The following LRRC8A variants were observed in gnomAD, a reference collection of about 807,000 sequenced individuals.
The protein encoded by LRRC8A is volume-regulated anion channel subunit LRRC8A.
LRRC8A carries 24 observed loss-of-function variants against 52.5 expected under a neutral mutation model. The observed-to-expected ratio is 0.46, with a 90% CI of 0.33 to 0.64. The LOEUF (loss-of-function observed/expected upper bound fraction) is 0.64, where lower values mean the gene tolerates loss of function less well. Ranked by LOEUF, LRRC8A falls within the 30% of genes least tolerant of loss-of-function variation. The pLI is 0.02. For missense variants in LRRC8A, 677 were observed against 1,094.7 expected (o/e 0.62, Z 5.38); for synonymous variants, 492 against 494.2 (o/e 1.00, Z 0.06).
At chr9:128,914,380 C>G (rs922320191) in intron 3 of LRRC8A, among the ~76,000 whole-genome samples, 4 of 118,260 alleles carry the variant, frequency 3.4e-5, no homozygotes, top group African/African-American at 1.0e-4. Flanking sequence ...TCCTCAGCCA[C>G]AGAGTGTCCA....
chr9:128,916,357 A>C lies in LRRC8A; in HGVS notation c.2419A>C (p.Lys807Gln). The change falls in exon 4 of 4, where the codon AAG (lysine) becomes CAG (glutamine). Residue 807 changes from lysine (K) to glutamine (Q), a missense_variant. Transcript: ENST00000372600. The surrounding 1 kb of genome is among the most constrained non-coding windows in gnomAD (Gnocchi z 6.1). ...EVKERLWRADKEQA is the reference protein window; with the variant it reads ...EVKERLWRADQEQA ...GAAGGAGCGGCTGTGGAGGGCTGAC[A>C]AGGAGCAGGCCTGAGCGAGGCCGGC... 1 of 1,611,250 alleles carries C rather than the reference A, an allele frequency of 6.2e-7. No homozygotes were observed. The highest frequency in any genetic ancestry group is 1.1e-5 in the South Asian group (1 of 90,968).
In LRRC8A at chr9:128,911,825, T is replaced by A. The variant is rs1459996739; in HGVS notation, c.2157+2504T>A. Among the ~76,000 whole-genome samples, 1 of 152,226 alleles carries A rather than the reference T, an allele frequency of 6.6e-6. No homozygotes were observed. The highest frequency in any genetic ancestry group is 2.4e-5 in the African/African-American group (1 of 41,468). On this transcript the variant is annotated intron_variant, in intron 3 of 3. Coordinates refer to ENST00000372600, the MANE Select transcript of LRRC8A (RefSeq NM_019594.4). The surrounding 1 kb of genome is among the most constrained non-coding windows in gnomAD (Gnocchi z 4.9). Reference sequence around the variant, plus strand: ...CCCCACCCCCTGGAACACCAGAGCCTTAATAGGGAAAACAGTTCACTTGGG... The same window carrying A: ...CCCCACCCCCTGGAACACCAGAGCCATAATAGGGAAAACAGTTCACTTGGG...
At chr9:128,888,435 T>TGAAGG (rs2130935730) in intron 2 of LRRC8A, among the ~76,000 whole-genome samples, 1 of 152,194 alleles carries the variant, frequency 6.6e-6, no homozygotes, top group South Asian at 2.1e-4. Context: ...GCCCAGCCCT[T>TGAAGG]CCTGGGGATA....
intron 2 of LRRC8A, among the ~76,000 whole-genome samples, chr9:128,903,037 C>T (rs1840088464): frequency 1.3e-5 from 2 of 152,326 alleles, no homozygotes; most frequent in African/African-American, 4.8e-5. Flanking sequence ...TGGCGAGGAC[C>T]TGAGCCCGGT....
In LRRC8A at chr9:128,908,910, C is replaced by A. The variant is rs564217920; in HGVS notation, c.1746C>A (p.Ile582=). 1.1e-5 allele frequency: 17 copies of A among 1,614,000 alleles called. No individual in the cohort carries two copies. The highest frequency in any genetic ancestry group is 1.4e-5 in the Non-Finnish European group (17 of 1,180,032). ...LSINNEGTKL[I]VLNSLKKMAN... ...TCAACAATGAGGGCACCAAGCTCAT[C>A]GTCCTCAACAGCCTCAAGAAGATGG... Residue 582 remains isoleucine (I), a synonymous_variant, in exon 3 of 4, where the codon ATC becomes ATA. Transcript: ENST00000372600.
intron 3 of LRRC8A, among the ~76,000 whole-genome samples, chr9:128,913,476 A>T (rs1350981635): frequency 6.6e-6 from 1 of 152,164 alleles, no homozygotes; most frequent in Admixed American, 6.5e-5. Context: ...ACAATCCGAC[A>T]ATCCAGCAGA....
At chr9:128,890,372 A>G (rs1839567732) in intron 2 of LRRC8A, among the ~76,000 whole-genome samples, 1 of 152,106 alleles carries the variant, frequency 6.6e-6, no homozygotes, top group African/African-American at 2.4e-5. Flanking sequence ...GCTTGCTGCA[A>G]TCTAAGCCTC....
At chr9:128,895,736 T>G (rs992241880) in intron 2 of LRRC8A, among the ~76,000 whole-genome samples, 18 of 152,170 alleles carry the variant, frequency 1.2e-4, no homozygotes, top group African/African-American at 4.3e-4. Context: ...GAGCAGCAGC[T>G]GGTAGGAGGA....
chr9:128,890,164 GT>G (rs1839553441), intron 2 of LRRC8A, among the ~76,000 whole-genome samples: 1 of 151,568 alleles, frequency 6.6e-6, no homozygotes, highest in African/African-American at 2.4e-5. Flanking sequence ...GTGTGTGTGT[GT>G]GTGTGCTGGG....
intron 2 of LRRC8A, among the ~76,000 whole-genome samples, chr9:128,904,997 C>CAA (rs770042979): frequency 3.1e-3 from 91 of 29,746 alleles, no homozygotes; most frequent in South Asian, 9.2e-3. Flanking sequence ...GACTCCGTCT[C>CAA]AAAAAAAAAA....
chr9:128,908,159 A>G lies in LRRC8A; in HGVS notation c.995A>G (p.Tyr332Cys), dbSNP rs1324812620. 1.9e-6 allele frequency: 3 copies of G among 1,613,894 alleles called. No homozygotes were observed. Among genetic ancestry groups the G allele is most frequent in the Non-Finnish European group, 2.5e-6 (3 of 1,180,032 alleles). The part of the protein sequence containing the change: ...ASFYISLVIF[Y>C]GLICMYTLWW... Reference sequence around the variant, plus strand: ...TTCTACATCAGCCTAGTCATCTTCTACGGCCTCATCTGCATGTATACACTG... The same window carrying G: ...TTCTACATCAGCCTAGTCATCTTCTGCGGCCTCATCTGCATGTATACACTG... Residue 332 changes from tyrosine (Y) to cysteine (C), a missense_variant, in exon 3 of 4, where the codon TAC becomes TGC. Coordinates refer to ENST00000372600, the MANE Select transcript of LRRC8A (RefSeq NM_019594.4).
rs1454119103 is a variant in LRRC8A at position 128,892,176 on chromosome 9, G to T, written c.-9+6055G>T. Among the ~76,000 whole-genome samples, 5 of 152,228 alleles carry T rather than the reference G, an allele frequency of 3.3e-5. No individual in the cohort carries two copies. The highest frequency in any genetic ancestry group is 3.3e-4 in the Admixed American group (5 of 15,288). ...GTGGTGAGGTGGGTGCCACCTTGCTGCTATGCATGAAGGTTGGGAGATGGG... is the reference window on the plus strand; with the variant it reads ...GTGGTGAGGTGGGTGCCACCTTGCTTCTATGCATGAAGGTTGGGAGATGGG... On this transcript the variant is annotated intron_variant, in intron 2 of 3. Coordinates refer to ENST00000372600, the MANE Select transcript of LRRC8A (RefSeq NM_019594.4). The surrounding 1 kb of genome is among the most constrained non-coding windows in gnomAD (Gnocchi z 5.2).
chr9:128,916,372 G>A lies in LRRC8A; in HGVS notation c.*1G>A. 6.2e-7 allele frequency: 1 copy of A among 1,607,594 alleles called. No homozygotes were observed. Among genetic ancestry groups the A allele is most frequent in the Non-Finnish European group, 8.5e-7 (1 of 1,177,230 alleles). On this transcript the variant is annotated 3_prime_UTR_variant, in exon 4 of 4. Transcript: ENST00000372600. The surrounding 1 kb of genome is among the most constrained non-coding windows in gnomAD (Gnocchi z 6.1). The stretch of plus-strand genomic sequence containing the variant: ...GAGGGCTGACAAGGAGCAGGCCTGA[G>A]CGAGGCCGGCCCAGCACAGCAAGCA...
chr9:128,909,541 C>T (rs1029289705), intron 3 of LRRC8A, among the ~76,000 whole-genome samples: 3 of 152,252 alleles, frequency 2.0e-5, no homozygotes, highest in Admixed American at 6.5e-5. Flanking sequence ...CTCTGGGCCC[C>T]GGGCCTGTCT....
chr9:128,902,777 C>T lies in LRRC8A; in HGVS notation c.-8-4380C>T, dbSNP rs1285235100. Among the ~76,000 whole-genome samples, 1 of 152,072 alleles carries T rather than the reference C, an allele frequency of 6.6e-6. No individual in the cohort carries two copies. ...GCAGTGTAGGTGGTGCGTGGACCCA[C>T]CTGGTCATTAGAGGGCCCGGGCCTT... On this transcript the variant is annotated intron_variant, in intron 2 of 3. Transcript: ENST00000372600. This position sits in a 1 kb window ranked among gnomAD's most constrained non-coding sequence, Gnocchi z 4.1.
rs1840833485 is a variant in LRRC8A at position 128,916,589 on chromosome 9, G to A, written c.*218G>A. On this transcript the variant is annotated 3_prime_UTR_variant, in exon 4 of 4. Transcript: ENST00000372600. The surrounding 1 kb of genome is among the most constrained non-coding windows in gnomAD (Gnocchi z 6.1). ...GAGACTCACGTCCCCCAGGGCAAGT[G>A]CTTGTGGAGGAGAGCAAGTCTCAAG... The A allele has an allele frequency of 3.3e-6, 2 of 600,174 alleles. No individual in the cohort carries two copies. Among genetic ancestry groups the A allele is most frequent in the African/African-American group, 1.8e-5 (1 of 54,196 alleles). The allele number at this position is 600,174 out of a possible 1,614,324, so 37.2% of individuals were successfully genotyped here. A position where few individuals can be genotyped will look rare whatever the true frequency, so the allele number is the denominator to read the frequency against.
intron 2 of LRRC8A, among the ~76,000 whole-genome samples, chr9:128,890,363 C>T (rs1839567379): frequency 6.6e-6 from 1 of 152,100 alleles, no homozygotes; most frequent in Non-Finnish European, 1.5e-5. Context: ...AATTAAATTG[C>T]TTGCTGCAAT....
In LRRC8A at chr9:128,907,606, C is replaced by T. The variant is rs911359511; in HGVS notation, c.442C>T (p.Arg148Cys). 5.6e-6 allele frequency: 9 copies of T among 1,614,042 alleles called. No individual in the cohort carries two copies. Among genetic ancestry groups the T allele is most frequent in the East Asian group, 2.2e-5 (1 of 44,896 alleles). Residue 148 changes from arginine to cysteine, a missense_variant, in exon 3 of 4, where the codon CGC (arginine) becomes TGC (cysteine). Physicochemically the swap from Arg to Cys is radical, Grantham distance 180 (BLOSUM62 -3). Transcript: ENST00000372600. The surrounding 1 kb of genome is among the most constrained non-coding windows in gnomAD (Gnocchi z 9.3). ...CAGCAACTTCTGGTTCAAATTCCCGCGCACCAGCTCGAAGCTGGAGCACTT... is the reference window on the plus strand; with the variant it reads ...CAGCAACTTCTGGTTCAAATTCCCGTGCACCAGCTCGAAGCTGGAGCACTT... ...ACSNFWFKFPRTSSKLEHFVS... is the reference protein window; with the variant it reads ...ACSNFWFKFPCTSSKLEHFVS...
At chr9:128,888,530 T>C (rs1272297865) in intron 2 of LRRC8A, among the ~76,000 whole-genome samples, 1 of 152,050 alleles carries the variant, frequency 6.6e-6, no homozygotes, top group Non-Finnish European at 1.5e-5. Context: ...CATGCTCCTT[T>C]CAAGTTTTAG....
Sources: gnomAD v4.1 joint callset for allele counts (sites outside exome capture counted in the v4.1 genomes callset) on GRCh38, gnomAD v4.1.1 for gene constraint, Gnocchi (gnomAD v3.1) non-coding constraint, MANE v1.5 for transcripts, NCBI Gene and HGNC (gene_info 2026-07-23, HGNC 2026-07-21) for gene names.